Variants in PDE4D observed in about 807,000 individuals in gnomAD.
PDE4D encodes the protein 3',5'-cyclic-AMP phosphodiesterase 4D.
In PDE4D, 24 loss-of-function variants were observed where a neutral mutation model predicts 87.4. That is an observed-to-expected ratio of 0.27 (90% CI 0.20 to 0.39). PDE4D has a LOEUF of 0.39. PDE4D is among the 10% of genes least tolerant of loss of function. The probability of loss-of-function intolerance (pLI) is 1.00; values close to 1 mark genes in which losing one functional copy is unlikely to be tolerated. For missense variants in PDE4D, 714 were observed against 1,041.0 expected (o/e 0.69, Z 4.32); for synonymous variants, 384 against 383.2 (o/e 1.00, Z -0.02).
intron 2 of PDE4D, 49 bp from the exon 3 acceptor site, chr5:59,193,585 C>T: frequency 6.2e-7 from 1 of 1,603,680 alleles, no homozygotes; most frequent in Non-Finnish European, 8.5e-7. Context: ...TAACTCTGTG[C>T]TCAGTGTCGT....
chr5:59,592,513 T>C (rs994417692), intron 1 of PDE4D, among the ~76,000 whole-genome samples: 1 of 152,178 alleles, frequency 6.6e-6, no homozygotes, highest in Non-Finnish European at 1.5e-5. Flanking sequence ...AAATGCTTTG[T>C]TGGGACTTTT....
intron 1 of PDE4D, among the ~76,000 whole-genome samples, chr5:59,592,620 T>A (rs1826070702): frequency 6.6e-6 from 1 of 152,162 alleles, no homozygotes. Context: ...AAGAAAAATC[T>A]CATAATATGA....
At chr5:59,644,911 T>C (rs572084216) in intron 1 of PDE4D, among the ~76,000 whole-genome samples, 2 of 152,276 alleles carry the variant, frequency 1.3e-5, no homozygotes, top group East Asian at 3.9e-4. Context: ...CTTCTTCCTA[T>C]GCAAGTCAAA....
At chr5:59,569,610 G>C (rs1416001783) in intron 1 of PDE4D, among the ~76,000 whole-genome samples, 2 of 152,180 alleles carry the variant, frequency 1.3e-5, no homozygotes, top group Non-Finnish European at 2.9e-5. Context: ...CTGACCATTA[G>C]AACATCCAGA....
intron 1 of PDE4D, among the ~76,000 whole-genome samples, chr5:60,347,660 A>G (rs568103371): frequency 3.1e-4 from 47 of 152,274 alleles, no homozygotes; most frequent in Non-Finnish European, 5.7e-4. Context: ...CCCAGACACC[A>G]AAATCAATGA....
rs774783517 is a variant in PDE4D, at chr5:58,993,416, C to T, written c.971G>A (p.Arg324Gln). Residue 324 changes from arginine to glutamine, a missense_variant, in exon 7 of 15, where the codon CGG becomes CAG. By Grantham distance (43) the Arg-to-Gln change is conservative (BLOSUM62 1). Around this residue, in one of 7 missense-constraint regions of PDE4D, gnomAD observed 90 missense variants for 177.6 expected, o/e 0.51. Transcript: ENST00000340635. Reference sequence around the variant, plus strand: ...AAACTCTGACACTTGATTTCCAGACCGACTCATTTCAGAGAGATGGGTGAG... The same window carrying T: ...AAACTCTGACACTTGATTTCCAGACTGACTCATTTCAGAGAGATGGGTGAG... ...RELTHLSEMS[R>Q]SGNQVSEFIS... The T allele has an allele frequency of 1.3e-6, 2 of 1,599,098 alleles. No individual in the cohort carries two copies. Among genetic ancestry groups the T allele is most frequent in the Non-Finnish European group, 1.7e-6 (2 of 1,173,624 alleles).
chr5:60,440,036 A>G (rs1392742392), intron 1 of PDE4D, among the ~76,000 whole-genome samples: 1 of 151,574 alleles, frequency 6.6e-6, no homozygotes, highest in African/African-American at 2.4e-5. Flanking sequence ...TCCCTCCTTC[A>G]CTTCACTACA....
At chr5:59,420,732 G>C (rs912991089) in intron 1 of PDE4D, among the ~76,000 whole-genome samples, 2 of 149,592 alleles carry the variant, frequency 1.3e-5, no homozygotes, top group Admixed American at 6.7e-5. Context: ...GAAACTTGAA[G>C]AGAACAAAGA....
chr5:59,388,641 ACACACACT>A (rs1015464396), intron 1 of PDE4D, among the ~76,000 whole-genome samples: 1 of 151,700 alleles, frequency 6.6e-6, no homozygotes, highest in African/African-American at 2.4e-5. Context: ...ACACACACAC[ACACACACT>A]CACACACTAG....
intron 1 of PDE4D, among the ~76,000 whole-genome samples, chr5:60,473,120 A>AGG (rs1491367158): frequency 9.3e-4 from 53 of 57,010 alleles, no homozygotes; most frequent in African/African-American, 7.2e-3. Context: ...AGAGAGAGAG[A>AGG]AAGAAAGGAA....
intron 1 of PDE4D, among the ~76,000 whole-genome samples, chr5:59,283,724 A>G (rs958865542): frequency 2.0e-5 from 3 of 152,172 alleles, no homozygotes; most frequent in African/African-American, 7.2e-5. Flanking sequence ...CATAAGTAGC[A>G]GTAAAGCCCA....
intron 2 of PDE4D, among the ~76,000 whole-genome samples, chr5:60,129,399 A>G (rs1430940506): frequency 6.6e-6 from 1 of 152,238 alleles, no homozygotes; most frequent in Non-Finnish European, 1.5e-5. Context: ...TGTCAAATGC[A>G]TGAAAGTATT....
At chr5:60,240,738 G>T (rs548319829) in intron 1 of PDE4D, among the ~76,000 whole-genome samples, 1 of 152,224 alleles carries the variant, frequency 6.6e-6, no homozygotes, top group African/African-American at 2.4e-5. Flanking sequence ...TCTCTCCCTG[G>T]TAATCCAGAT....
intron 1 of PDE4D, among the ~76,000 whole-genome samples, chr5:59,887,262 G>T (rs577273228): frequency 2.5e-4 from 38 of 152,120 alleles, no homozygotes; most frequent in Non-Finnish European, 2.1e-4. Flanking sequence ...GAGGTTTGGG[G>T]CAATGGTGGT....
intron 1 of PDE4D, among the ~76,000 whole-genome samples, chr5:60,501,753 G>A (rs1411963632): frequency 6.6e-6 from 1 of 152,098 alleles, no homozygotes; most frequent in African/African-American, 2.4e-5. Context: ...GATGGCCAGT[G>A]ATGGTGAGCA....
chr5:60,452,931 G>T (rs1346648293), intron 1 of PDE4D, among the ~76,000 whole-genome samples: 2 of 152,108 alleles, frequency 1.3e-5, no homozygotes, highest in African/African-American at 2.4e-5. Context: ...AGAAAGCTAG[G>T]TTCAAATGCC....
chr5:60,051,694 G>T (rs1770173027), intron 2 of PDE4D, among the ~76,000 whole-genome samples: 2 of 151,480 alleles, frequency 1.3e-5, no homozygotes, highest in Admixed American at 6.6e-5. Context: ...GACCAGAGCA[G>T]AATTGAAGGA....
intron 1 of PDE4D, among the ~76,000 whole-genome samples, chr5:59,663,938 T>A (rs1380719623): frequency 1.3e-5 from 2 of 152,238 alleles, no homozygotes; most frequent in African/African-American, 4.8e-5. Flanking sequence ...GCCTCCTTTT[T>A]CAACCTCCTT....
At chr5:59,766,054 C>T (rs765590614) in intron 1 of PDE4D, among the ~76,000 whole-genome samples, 1 of 152,164 alleles carries the variant, frequency 6.6e-6, no homozygotes, top group Non-Finnish European at 1.5e-5. Context: ...AAATTAGATA[C>T]AAATATATTT....
Sources: gnomAD v4.1 joint callset for allele counts (sites outside exome capture counted in the v4.1 genomes callset) on GRCh38, gnomAD v4.1.1 for gene constraint, gnomAD v4.1.1 regional missense constraint, MANE v1.5 for transcripts, NCBI Gene and HGNC (gene_info 2026-07-23, HGNC 2026-07-21) for gene names.